Variants in NSL1 observed in about 807,000 individuals in gnomAD.
NSL1 encodes the protein NSL1 component of MIS12 kinetochore complex.
In NSL1, 11 loss-of-function variants were observed where a neutral mutation model predicts 25.4. The observed-to-expected ratio is 0.43, with a 90% CI of 0.27 to 0.72. The LOEUF is 0.72. Ranked by LOEUF, NSL1 falls within the 30% of genes least tolerant of loss-of-function variation. The pLI is 0.19. For synonymous variants in NSL1, 118 were observed against 120.6 expected (o/e 0.98, Z 0.14); for missense variants, 330 against 342.7 (o/e 0.96, Z 0.29).
At chr1:212,781,327 T>C (rs1052883121) in intron 4 of NSL1, among the ~76,000 whole-genome samples, 2 of 152,206 alleles carry the variant, frequency 1.3e-5, no homozygotes, top group Non-Finnish European at 2.9e-5. Flanking sequence ...AAAGTAATAC[T>C]TGAGTATATC....
chr1:212,738,290 A>G lies in NSL1; in HGVS notation c.*118T>C. 1 of 1,474,852 alleles carries G rather than the reference A, an allele frequency of 6.8e-7. No homozygotes were observed. The highest frequency in any genetic ancestry group is 2.3e-5 in the East Asian group (1 of 43,102). The allele number at this position is 1,474,852 out of a possible 1,614,324, so 91.4% of individuals were successfully genotyped here. A position where few individuals can be genotyped will look rare whatever the true frequency, so the allele number is the denominator to read the frequency against. On this transcript the variant is annotated 3_prime_UTR_variant, in exon 6 of 6. Transcript: ENST00000366977. ...CAGAGATACTATATCTGTATAAATG[A>G]ATCACTAGTAAAAGAGTTATTTCTT...
intron 4 of NSL1, among the ~76,000 whole-genome samples, chr1:212,762,306 CAAAAAAAAA>C (rs71147025): frequency 1.7e-5 from 2 of 114,638 alleles, no homozygotes; most frequent in African/African-American, 6.7e-5. Context: ...TTAAAAGAAA[CAAAAAAAAA>C]AAAAAAAAAA....
chr1:212,776,947 C>T (rs1660401742), intron 4 of NSL1, among the ~76,000 whole-genome samples: 1 of 151,316 alleles, frequency 6.6e-6, no homozygotes, highest in Admixed American at 6.6e-5. Context: ...ATAACGGGAA[C>T]CTCACAAAAA....
chr1:212,758,417 C>T (rs1313325854), intron 4 of NSL1, among the ~76,000 whole-genome samples: 2 of 152,044 alleles, frequency 1.3e-5, no homozygotes, highest in African/African-American at 2.4e-5. Context: ...TTTAAAACAT[C>T]CATTAAACAA....
chr1:212,730,810 C>T lies in NSL1; in HGVS notation c.*7598G>A. 1 of 985,334 alleles carries T rather than the reference C, an allele frequency of 1.0e-6. No individual in the cohort carries two copies. The highest frequency in any genetic ancestry group is 1.2e-6 in the Non-Finnish European group (1 of 829,910). The allele number at this position is 985,334 out of a possible 1,614,324, so 61.0% of individuals were successfully genotyped here. A position where few individuals can be genotyped will look rare whatever the true frequency, so the allele number is the denominator to read the frequency against. ...CAGGTCAGTTTCCCAGTGATCTGTC[C>T]TCAGTTTTTTACCTCTCCCCTCCCC... is the stretch of plus-strand genomic sequence containing the variant. On this transcript the variant is annotated 3_prime_UTR_variant, in exon 6 of 6. Transcript: ENST00000366977.
Position 212,731,766 on chromosome 1 carries a change from G to A in NSL1, c.*6642C>T, listed in dbSNP as rs1658023425. The A allele has an allele frequency of 1.0e-6, 1 of 985,380 alleles. No individual in the cohort carries two copies. Among genetic ancestry groups the A allele is most frequent in the Non-Finnish European group, 1.2e-6 (1 of 829,902 alleles). The allele number at this position is 985,380 out of a possible 1,614,324, so 61.0% of individuals were successfully genotyped here. On this transcript the variant is annotated 3_prime_UTR_variant, in exon 6 of 6. Transcript: ENST00000366977. ...TGAAGATTTCACTCCCCACTGCCATGTCAAAGCTGGTGTTCAGACAGTCAC... is the reference window on the plus strand; with the variant it reads ...TGAAGATTTCACTCCCCACTGCCATATCAAAGCTGGTGTTCAGACAGTCAC...
intron 4 of NSL1, among the ~76,000 whole-genome samples, chr1:212,747,403 T>C (rs1048450193): frequency 1.7e-4 from 26 of 152,352 alleles, no homozygotes; most frequent in African/African-American, 5.3e-4. Flanking sequence ...GAGGCCCACG[T>C]TGTAAGGAAC....
In NSL1 at chr1:212,739,517, T is replaced by G. The variant is rs1482396639; in HGVS notation, c.567+17A>C. 4 of 1,611,212 alleles carry G rather than the reference T, an allele frequency of 2.5e-6. No homozygotes were observed. Among genetic ancestry groups the G allele is most frequent in the Non-Finnish European group, 3.4e-6 (4 of 1,178,688 alleles). On this transcript the variant is annotated intron_variant, in intron 5 of 5. Coordinates refer to ENST00000366977, the MANE Select transcript of NSL1 (RefSeq NM_015471.4). ...CATTTTGTTCATTTGATAATTTTTT[T>G]AGCACATAGCTTTTACCTTCATGGC...
intron 4 of NSL1, among the ~76,000 whole-genome samples, chr1:212,750,389 C>T (rs913016955): frequency 1.3e-5 from 2 of 151,678 alleles, no homozygotes; most frequent in Non-Finnish European, 2.9e-5. Flanking sequence ...AAAACAGGAA[C>T]CAGGAAACAC....
chr1:212,752,552 A>G lies in NSL1; in HGVS notation c.500-12951T>C, dbSNP rs542954375. ...AAAAAAGGGATCTTCAGTTAATTTC[A>G]AAGAACTTTTAAAAAAAGGCAATAT... On this transcript the variant is annotated intron_variant, in intron 4 of 5. Coordinates refer to ENST00000366977, the MANE Select transcript of NSL1 (RefSeq NM_015471.4). Among the ~76,000 whole-genome samples the G allele has an allele frequency of 4.2e-5, 4 of 94,362 alleles. No individual in the cohort carries two copies. In the South Asian group the frequency reaches 1.4e-3, roughly 32 times the overall value. 61.9% of individuals were successfully genotyped at this position (94,362 alleles called of 152,430 possible).
rs1659625892 is a variant in NSL1 at position 212,762,588 on chromosome 1, G to A, written c.499+19784C>T. On this transcript the variant is annotated intron_variant, in intron 4 of 5. Coordinates refer to ENST00000366977, the MANE Select transcript of NSL1 (RefSeq NM_015471.4). ...ATCCACAAACCCTCTGAAAGAAGCAGCAGGCTGGAGCCTACTGCATGAGAC... is the reference window on the plus strand; with the variant it reads ...ATCCACAAACCCTCTGAAAGAAGCAACAGGCTGGAGCCTACTGCATGAGAC... Among the ~76,000 whole-genome samples the A allele has an allele frequency of 3.3e-5, 5 of 152,252 alleles. No individual in the cohort carries two copies. The South Asian group carries it at 1.0e-3, about 32-fold the overall frequency.
At chr1:212,748,972 T>C (rs887548374) in intron 4 of NSL1, among the ~76,000 whole-genome samples, 1 of 152,192 alleles carries the variant, frequency 6.6e-6, no homozygotes, top group Non-Finnish European at 1.5e-5. Flanking sequence ...ATTGTATTTA[T>C]TGTATACATG....
rs1299324433 is a variant in NSL1, at chr1:212,749,349, T to G, written c.500-9748A>C. ...TTTGCGTTTTATTGTGTTTTTTTTT[T>G]TTTTTTTTTTTTTGAGACAGGGTCT... On this transcript the variant is annotated intron_variant, in intron 4 of 5. Coordinates refer to ENST00000366977, the MANE Select transcript of NSL1 (RefSeq NM_015471.4). 3.1e-4 allele frequency among the ~76,000 whole-genome samples: 45 copies of G among 144,372 alleles called. No homozygotes were observed. In the East Asian group the frequency reaches 5.6e-3, roughly 18 times the overall value. 94.7% of individuals were successfully genotyped at this position (144,372 alleles called of 152,430 possible). A position where few individuals can be genotyped will look rare whatever the true frequency, so the allele number is the denominator to read the frequency against.
intron 4 of NSL1, among the ~76,000 whole-genome samples, chr1:212,774,437 A>G (rs895710779): frequency 2.6e-5 from 4 of 152,332 alleles, no homozygotes; most frequent in Admixed American, 2.0e-4. Flanking sequence ...TGCAAATCAT[A>G]TATCTGATAA....
At chr1:212,769,347 T>G (rs1320316671) in intron 4 of NSL1, among the ~76,000 whole-genome samples, 1 of 151,880 alleles carries the variant, frequency 6.6e-6, no homozygotes, top group African/African-American at 2.4e-5. Flanking sequence ...AAGAAAGAGA[T>G]AAAATTCTAA....
Position 212,729,480 on chromosome 1 carries a change from A to T in NSL1, c.*8928T>A, listed in dbSNP as rs1284810420. 1 of 985,310 alleles carries T rather than the reference A, an allele frequency of 1.0e-6. No homozygotes were observed. The allele number at this position is 985,310 out of a possible 1,614,324, so 61.0% of individuals were successfully genotyped here. A position where few individuals can be genotyped will look rare whatever the true frequency, so the allele number is the denominator to read the frequency against. ...ATATTGTCTGGCACATGGCTGGGAAAGATCCTGAGGCTCTGGAGCTGGGGT... is the reference window on the plus strand; with the variant it reads ...ATATTGTCTGGCACATGGCTGGGAATGATCCTGAGGCTCTGGAGCTGGGGT... On this transcript the variant is annotated 3_prime_UTR_variant, in exon 6 of 6. Coordinates refer to ENST00000366977, the MANE Select transcript of NSL1 (RefSeq NM_015471.4).
Position 212,732,664 on chromosome 1 carries a change from G to C in NSL1, c.*5744C>G. On this transcript the variant is annotated 3_prime_UTR_variant, in exon 6 of 6. Transcript: ENST00000366977. The stretch of plus-strand genomic sequence containing the variant: ...TGATTAGTTAGTAGCCTGTAGACTC[G>C]AGTGTGCTGTGTTTTGGGAGCCTTA... 3.0e-6 allele frequency: 3 copies of C among 985,296 alleles called. No individual in the cohort carries two copies. Among genetic ancestry groups the C allele is most frequent in the Non-Finnish European group, 1.2e-6 (1 of 829,864 alleles). 61.0% of individuals were successfully genotyped at this position (985,296 alleles called of 1,614,324 possible).
At chr1:212,779,216 C>G (rs1442059322) in intron 4 of NSL1, among the ~76,000 whole-genome samples, 1 of 151,674 alleles carries the variant, frequency 6.6e-6, no homozygotes. Flanking sequence ...CCAGCCGCCC[C>G]GTCTGGGAGG....
At chr1:212,767,463 A>C (rs981699780) in intron 4 of NSL1, among the ~76,000 whole-genome samples, 9 of 152,226 alleles carry the variant, frequency 5.9e-5, no homozygotes, top group African/African-American at 2.2e-4. Flanking sequence ...AAACCATAAA[A>C]ATTCTAGAAG....
Sources: gnomAD v4.1 joint callset for allele counts (sites outside exome capture counted in the v4.1 genomes callset) on GRCh38, gnomAD v4.1.1 for gene constraint, MANE v1.5 for transcripts, NCBI Gene and HGNC (gene_info 2026-07-23, HGNC 2026-07-21) for gene names.